The following ANKH variants were observed in gnomAD, a reference collection of about 807,000 sequenced individuals.
ANKH encodes ANKH inorganic pyrophosphate transport regulator, also known as mineralization regulator ANKH.
ANKH carries 15 observed loss-of-function variants against 49.0 expected under a neutral mutation model. The observed-to-expected ratio is 0.31, with a 90% confidence interval of 0.20 to 0.47. ANKH has a LOEUF of 0.47. Among genes scored for constraint, ANKH ranks in the 20% least tolerant of loss-of-function variants. The pLI is 1.00. For missense variants in ANKH, 429 were observed against 652.0 expected (o/e 0.66, Z 3.72); for synonymous variants, 273 against 260.0 (o/e 1.05, Z -0.48).
intron 1 of ANKH, among the ~76,000 whole-genome samples, chr5:14,781,742 AGT>A (rs1231845547): frequency 2.0e-5 from 3 of 152,200 alleles, no homozygotes; most frequent in Admixed American, 6.5e-5. Flanking sequence ...TGAAAGTTGT[AGT>A]GTATTTAAAC....
intron 6 of ANKH, 101 bp downstream of exon 6, chr5:14,749,071 G>A: frequency 6.7e-7 from 1 of 1,500,626 alleles, no homozygotes; most frequent in Non-Finnish European, 9.2e-7. Flanking sequence ...TTTAATATTG[G>A]GGAATTACTT....
chr5:14,819,683 A>C (rs1489239597), intron 1 of ANKH, among the ~76,000 whole-genome samples: 1 of 152,068 alleles, frequency 6.6e-6, no homozygotes, highest in Non-Finnish European at 1.5e-5. Flanking sequence ...CTGGGCAACA[A>C]GGCAAAACCC....
At position 14,710,898 on chromosome 5, in the gene ANKH, G is replaced by C. The variant is rs373131249; in HGVS notation, c.*299C>G. 22 of 402,062 alleles carry C rather than the reference G, an allele frequency of 5.5e-5. No individual in the cohort carries two copies. The highest frequency in any genetic ancestry group is 4.3e-4 in the African/African-American group (21 of 48,464). The allele number at this position is 402,062 out of a possible 1,614,324, so 24.9% of individuals were successfully genotyped here. On this transcript the variant is annotated 3_prime_UTR_variant, in exon 12 of 12. Transcript: ENST00000284268. ...CAAGAGGAGATTGTCCAGGGGAGGA[G>C]GACACAACGTCAACCGTGAGGCAGC...
At chr5:14,741,732 A>G in intron 8 of ANKH, 95 bp downstream of exon 8, 1 of 875,432 alleles carries the variant, frequency 1.1e-6, no homozygotes. Context: ...ATCACATTAC[A>G]TTGTGGAAAA....
chr5:14,775,950 C>T (rs1021208943), intron 1 of ANKH, among the ~76,000 whole-genome samples: 8 of 152,140 alleles, frequency 5.3e-5, no homozygotes, highest in Non-Finnish European at 7.3e-5. Flanking sequence ...AGACAAGGTG[C>T]GGCTTGGCCG....
rs1012788637 is a variant in ANKH, at chr5:14,742,215, T to C, written c.916-293A>G. On this transcript the variant is annotated intron_variant, in intron 7 of 11. Coordinates refer to ENST00000284268, the MANE Select transcript of ANKH (RefSeq NM_054027.6). ...TCTTGCCCAGTCCTGGGGCTTTGGC[T>C]CTGAAGCCTGCTCCTGCCCCATGCA... Among the ~76,000 whole-genome samples the C allele has an allele frequency of 5.3e-5, 8 of 152,310 alleles. No homozygotes were observed. In the East Asian group the frequency reaches 1.4e-3, roughly 26 times the overall value.
intron 1 of ANKH, among the ~76,000 whole-genome samples, chr5:14,867,101 G>A (rs1366042825): frequency 1.4e-5 from 2 of 143,078 alleles, no homozygotes; most frequent in African/African-American, 5.3e-5. Context: ...TGGCTGCATT[G>A]AGCCAAGATC....
At chr5:14,868,832 T>C (rs1735735419) in intron 1 of ANKH, 1 of 152,008 alleles carries the variant, frequency 6.6e-6, no homozygotes, top group South Asian at 2.1e-4. Flanking sequence ...CCCAAAGTGC[T>C]AGGATTGATC....
At chr5:14,794,611 G>C (rs1404761237) in intron 1 of ANKH, among the ~76,000 whole-genome samples, 2 of 152,238 alleles carry the variant, frequency 1.3e-5, no homozygotes, top group Non-Finnish European at 2.9e-5. Context: ...AATGTGCTGT[G>C]GTGAAAAGCT....
intron 1 of ANKH, among the ~76,000 whole-genome samples, chr5:14,867,334 G>A (rs1224798970): frequency 6.6e-6 from 1 of 152,074 alleles, no homozygotes; most frequent in Non-Finnish European, 1.5e-5. Flanking sequence ...ACCTTAACAA[G>A]CGTAGGCCTC....
chr5:14,858,165 T>C (rs1735336867), intron 1 of ANKH, among the ~76,000 whole-genome samples: 1 of 152,242 alleles, frequency 6.6e-6, no homozygotes, highest in Non-Finnish European at 1.5e-5. Flanking sequence ...CAATAATTTT[T>C]GGAGTACAGG....
At chr5:14,746,702 A>G (rs1159556197) in intron 6 of ANKH, among the ~76,000 whole-genome samples, 25 of 152,226 alleles carry the variant, frequency 1.6e-4, no homozygotes. Flanking sequence ...TTTAAACTAT[A>G]AACTGTAAGT....
intron 8 of ANKH, among the ~76,000 whole-genome samples, chr5:14,718,306 C>T (rs956273212): frequency 6.6e-6 from 1 of 151,926 alleles, no homozygotes; most frequent in African/African-American, 2.4e-5. Flanking sequence ...GCCCCACTTA[C>T]CAAAATGAGC....
At chr5:14,808,150 T>G (rs934533837) in intron 1 of ANKH, among the ~76,000 whole-genome samples, 1 of 152,180 alleles carries the variant, frequency 6.6e-6, no homozygotes, top group Non-Finnish European at 1.5e-5. Flanking sequence ...CAGAAAAGTA[T>G]ACAAAGGAAG....
intron 1 of ANKH, among the ~76,000 whole-genome samples, chr5:14,795,135 G>A (rs921322101): frequency 1.3e-5 from 2 of 152,072 alleles, no homozygotes; most frequent in African/African-American, 4.8e-5. Context: ...TCCTTCAAGT[G>A]TGTGCACAGA....
chr5:14,858,664 C>A (rs1417731985), intron 1 of ANKH, among the ~76,000 whole-genome samples: 1 of 150,860 alleles, frequency 6.6e-6, no homozygotes, highest in Non-Finnish European at 1.5e-5. Context: ...TGCAGTGAGC[C>A]GAGATCGGGC....
chr5:14,797,696 C>T, intron 1 of ANKH: 1 of 1,599,134 alleles, frequency 6.3e-7, no homozygotes, highest in East Asian at 2.2e-5. Context: ...AGAGTAGATG[C>T]CAGGAAACAT....
chr5:14,858,385 C>A (rs3006070), intron 1 of ANKH, among the ~76,000 whole-genome samples: 1 of 151,908 alleles, frequency 6.6e-6, no homozygotes, highest in Non-Finnish European at 1.5e-5. Flanking sequence ...AAATTGCCTA[C>A]GATAAAAAGT....
At chr5:14,783,770 C>T (rs542123887) in intron 1 of ANKH, among the ~76,000 whole-genome samples, 34 of 152,314 alleles carry the variant, frequency 2.2e-4, no homozygotes, top group Admixed American at 5.2e-4. Context: ...AATTAAAGTG[C>T]TTTGAAAATT....
Sources: gnomAD v4.1 joint callset for allele counts (sites outside exome capture counted in the v4.1 genomes callset) on GRCh38, gnomAD v4.1.1 for gene constraint, MANE v1.5 for transcripts, NCBI Gene and HGNC (gene_info 2026-07-23, HGNC 2026-07-21) for gene names.